The following CTNNA2 variants were observed in gnomAD, a reference collection of about 807,000 sequenced individuals.
CTNNA2 encodes catenin alpha 2.
In CTNNA2, 42 loss-of-function variants were observed where a neutral mutation model predicts 101.0. The ratio of observed to expected loss-of-function variants is 0.42; its 90% CI spans 0.32 to 0.54. The LOEUF is 0.54. CTNNA2 is among the 20% of genes least tolerant of loss of function. CTNNA2 has a pLI of 0.14. For synonymous variants in CTNNA2, 450 were observed against 456.4 expected, an observed-to-expected ratio of 0.99 and a Z score of 0.18; for missense variants, 871 against 1,223.1, an observed-to-expected ratio of 0.71 and a Z score of 4.29.
intron 3 of CTNNA2, among the ~76,000 whole-genome samples, chr2:79,340,884 A>AATCTAGGG (rs892096403): frequency 2.8e-5 from 4 of 141,968 alleles, no homozygotes; most frequent in African/African-American, 7.6e-5. Flanking sequence ...ATGAGTACAG[A>AATCTAGGG]ATCTAGGGAT....
At chr2:80,038,384 A>G (rs1695804350) in intron 7 of CTNNA2, among the ~76,000 whole-genome samples, 1 of 152,140 alleles carries the variant, frequency 6.6e-6, no homozygotes, top group Non-Finnish European at 1.5e-5. Flanking sequence ...GTATTATTGG[A>G]GTATCTGGAG....
intron 7 of CTNNA2, among the ~76,000 whole-genome samples, chr2:79,980,036 G>A (rs1411382879): frequency 6.6e-6 from 1 of 152,142 alleles, no homozygotes; most frequent in African/African-American, 2.4e-5. Flanking sequence ...TAAGACTCAT[G>A]CCTTATTCAA....
intron 7 of CTNNA2, among the ~76,000 whole-genome samples, chr2:80,382,638 G>T (rs1008932943): frequency 1.3e-5 from 2 of 152,210 alleles, no homozygotes; most frequent in African/African-American, 4.8e-5. Flanking sequence ...TTGATAGAAT[G>T]GTAAATGAGG....
At chr2:80,146,723 T>TTG (rs1703366158) in intron 7 of CTNNA2, among the ~76,000 whole-genome samples, 1 of 112,392 alleles carries the variant, frequency 8.9e-6, no homozygotes, top group African/African-American at 3.4e-5. Context: ...TTTTTTTTTT[T>TTG]TTTTTTTTTT....
intron 7 of CTNNA2, among the ~76,000 whole-genome samples, chr2:79,933,051 T>G (rs558940375): frequency 6.6e-6 from 1 of 152,352 alleles, no homozygotes; most frequent in African/African-American, 2.4e-5. Flanking sequence ...TGATTAGCTC[T>G]AAGTGGAGAT....
chr2:80,596,434 C>A (rs184187398), intron 15 of CTNNA2, among the ~76,000 whole-genome samples: 2 of 150,270 alleles, frequency 1.3e-5, no homozygotes, highest in Non-Finnish European at 3.0e-5. Context: ...CTCAGCCTCC[C>A]GAGTAGCTGG....
At chr2:79,224,756 A>G (rs1440796249) in intron 2 of CTNNA2, among the ~76,000 whole-genome samples, 1 of 151,480 alleles carries the variant, frequency 6.6e-6, no homozygotes, top group East Asian at 1.9e-4. Flanking sequence ...CTCCACCACC[A>G]TCTCCCAGAG....
intron 7 of CTNNA2, among the ~76,000 whole-genome samples, chr2:80,125,057 T>A (rs1463162793): frequency 1.3e-5 from 2 of 152,158 alleles, no homozygotes; most frequent in African/African-American, 4.8e-5. Context: ...CAAAATGTTT[T>A]TGGAAAGAAC....
chr2:79,263,855 T>G (rs1168429522), intron 2 of CTNNA2, among the ~76,000 whole-genome samples: 1 of 152,202 alleles, frequency 6.6e-6, no homozygotes, highest in Non-Finnish European at 1.5e-5. Flanking sequence ...GCCAAATACA[T>G]TTCTATTGGT....
chr2:80,130,119 C>T (rs1298770724), intron 7 of CTNNA2, among the ~76,000 whole-genome samples: 1 of 151,994 alleles, frequency 6.6e-6, no homozygotes, highest in Admixed American at 6.6e-5. Context: ...CCAAAGAGAA[C>T]CTATAACCCT....
chr2:79,818,882 C>T (rs897707119), intron 3 of CTNNA2, among the ~76,000 whole-genome samples: 1 of 100,892 alleles, frequency 9.9e-6, no homozygotes, highest in African/African-American at 4.7e-5. Context: ...TAAACTCAAG[C>T]AAAGCACTAA....
chr2:80,593,562 T>G (rs149004055), intron 15 of CTNNA2, among the ~76,000 whole-genome samples: 251 of 152,262 alleles, frequency 1.6e-3, no homozygotes, highest in Middle Eastern at 6.8e-3. Flanking sequence ...TGGCATTCAG[T>G]ACATTTACAC....
At chr2:80,077,153 T>G (rs1318723989) in intron 7 of CTNNA2, among the ~76,000 whole-genome samples, 1 of 152,230 alleles carries the variant, frequency 6.6e-6, no homozygotes, top group Non-Finnish European at 1.5e-5. Flanking sequence ...AACTCTCATA[T>G]ATTTTTGGCA....
At chr2:80,222,252 A>C (rs760378778) in intron 7 of CTNNA2, among the ~76,000 whole-genome samples, 1 of 152,146 alleles carries the variant, frequency 6.6e-6, no homozygotes, top group Non-Finnish European at 1.5e-5. Flanking sequence ...CAGAGTCCCA[A>C]ATTCTGCTTA....
At chr2:79,672,253 G>A (rs1682888935) in intron 2 of CTNNA2, among the ~76,000 whole-genome samples, 1 of 152,248 alleles carries the variant, frequency 6.6e-6, no homozygotes, top group Non-Finnish European at 1.5e-5. Context: ...TAATACATCT[G>A]TTAGCCCTGG....
chr2:80,139,463 A>G (rs1052022748), intron 7 of CTNNA2, among the ~76,000 whole-genome samples: 1 of 152,046 alleles, frequency 6.6e-6, no homozygotes, highest in African/African-American at 2.4e-5. Context: ...GTACATCACA[A>G]CACCAAGATT....
At chr2:80,060,877 G>A in intron 7 of CTNNA2, among the ~76,000 whole-genome samples, 1 of 152,170 alleles carries the variant, frequency 6.6e-6, no homozygotes, top group Non-Finnish European at 1.5e-5. Context: ...TTGGGTTGAA[G>A]GAAGCTGCTT....
chr2:79,198,632 A>G (rs1448125702), intron 2 of CTNNA2, among the ~76,000 whole-genome samples: 3 of 152,240 alleles, frequency 2.0e-5, no homozygotes, highest in Non-Finnish European at 2.9e-5. Flanking sequence ...TTAATAAATA[A>G]TAATTCTACC....
At chr2:80,533,226 G>A (rs1690695285) in intron 9 of CTNNA2, among the ~76,000 whole-genome samples, 1 of 152,182 alleles carries the variant, frequency 6.6e-6, no homozygotes, top group Non-Finnish European at 1.5e-5. Flanking sequence ...GTGTTTGGAA[G>A]AGATCTATTT....
Sources: allele counts gnomAD v4.1 joint callset (sites outside exome capture counted in the v4.1 genomes callset), GRCh38; gene constraint gnomAD v4.1.1; transcripts MANE v1.5; gene names NCBI Gene and HGNC (gene_info 2026-07-23, HGNC 2026-07-21).